Variants in FMNL2 observed in about 807,000 individuals in gnomAD.
FMNL2 encodes the protein formin-like protein 2.
In FMNL2, 51 loss-of-function variants were observed where a neutral mutation model predicts 130.2. That is an observed-to-expected ratio of 0.39 (90% confidence interval 0.31 to 0.49). The LOEUF (loss-of-function observed/expected upper bound fraction) is 0.49. FMNL2 is among the 20% of genes least tolerant of loss of function. The pLI, the probability that FMNL2 is intolerant of heterozygous loss-of-function variation, is 0.85. For missense variants in FMNL2, 977 were observed against 1,316.2 expected, an observed-to-expected ratio of 0.74 and a Z score of 3.99; for synonymous variants, 465 against 467.1, an observed-to-expected ratio of 1.00 and a Z score of 0.06.
chr2:152,565,814 C>T (rs1394246969), intron 6 of FMNL2, among the ~76,000 whole-genome samples: 1 of 152,044 alleles, frequency 6.6e-6, no homozygotes, highest in Non-Finnish European at 1.5e-5. Context: ...GGGTCTTGTT[C>T]TGTTGCCCAG....
At chr2:152,349,687 A>G (rs1682362556) in intron 1 of FMNL2, among the ~76,000 whole-genome samples, 2 of 151,978 alleles carry the variant, frequency 1.3e-5, no homozygotes, top group African/African-American at 4.8e-5. Context: ...AGCAACCCAG[A>G]GAGCTTCATA....
In FMNL2 at chr2:152,637,591, G is replaced by T; in HGVS notation, c.2863G>T (p.Val955Leu). 6.2e-7 allele frequency: 1 copy of T among 1,613,966 alleles called. No individual in the cohort carries two copies. The highest frequency in any genetic ancestry group is 8.5e-7 in the Non-Finnish European group (1 of 1,179,878). The change falls in exon 23 of 26, where the codon GTG becomes TTG. Residue 955 changes from valine to leucine, a missense_variant. This residue lies in a region of FMNL2 where 168 missense variants were observed against 168.8 expected (regional missense o/e 1.00). Coordinates refer to ENST00000288670, the MANE Select transcript of FMNL2 (RefSeq NM_052905.4). ...KIAQDAFDDV[V>L]KYFGENPKTT... ...TTCACAGGATGCCTTTGATGATGTTGTGAAGTATTTTGGAGAAAACCCCAA... is the reference window on the plus strand; with the variant it reads ...TTCACAGGATGCCTTTGATGATGTTTTGAAGTATTTTGGAGAAAACCCCAA...
chr2:152,387,939 C>A (rs546254219), intron 1 of FMNL2, among the ~76,000 whole-genome samples: 1 of 152,020 alleles, frequency 6.6e-6, no homozygotes, highest in Non-Finnish European at 1.5e-5. Flanking sequence ...CAGGTGTGGG[C>A]CACTGCGCTT....
intron 9 of FMNL2, among the ~76,000 whole-genome samples, chr2:152,588,956 G>A (rs2105761959): frequency 6.6e-6 from 1 of 152,090 alleles, no homozygotes; most frequent in African/African-American, 2.4e-5. Flanking sequence ...TGTGTTTGGG[G>A]TCTGAGATTT....
intron 2 of FMNL2, among the ~76,000 whole-genome samples, chr2:152,531,757 G>A (rs925395034): frequency 1.8e-4 from 27 of 152,178 alleles, no homozygotes; most frequent in Non-Finnish European, 3.2e-4. Context: ...ACTGTACCCA[G>A]CCTAAGATAT....
chr2:152,556,744 T>G (rs1177415375), intron 4 of FMNL2, among the ~76,000 whole-genome samples: 1 of 152,182 alleles, frequency 6.6e-6, no homozygotes, highest in Non-Finnish European at 1.5e-5. Context: ...CTGAATGGTC[T>G]GCACTCTACA....
At chr2:152,636,300 C>A in intron 21 of FMNL2, 127 bp from the exon 22 acceptor site, 2 of 910,900 alleles carry the variant, frequency 2.2e-6, no homozygotes, top group Non-Finnish European at 3.2e-6. Flanking sequence ...GTGCCAAAAG[C>A]TGGAAGCTAG....
Position 152,526,204 on chromosome 2 carries a change from G to C in FMNL2, c.201+4178G>C, listed in dbSNP as rs1693378654. On this transcript the variant is annotated intron_variant, in intron 2 of 25. Transcript: ENST00000288670. ...TCCTGTGGGCCATTCCAGGTAAGGAGGACTTGTCCTTGGAGCACCAGGGGT... is the reference window on the plus strand; with the variant it reads ...TCCTGTGGGCCATTCCAGGTAAGGACGACTTGTCCTTGGAGCACCAGGGGT... 2.0e-5 allele frequency among the ~76,000 whole-genome samples: 3 copies of C among 152,170 alleles called. No homozygotes were observed. In the South Asian group the frequency reaches 6.2e-4, roughly 31 times the overall value.
At chr2:152,455,665 A>G (rs1688906751) in intron 1 of FMNL2, among the ~76,000 whole-genome samples, 1 of 152,242 alleles carries the variant, frequency 6.6e-6, no homozygotes, top group African/African-American at 2.4e-5. Context: ...GTAGCTTTTA[A>G]ACATTACCAT....
Position 152,480,633 on chromosome 2 carries a change from T to TAAAAA in FMNL2, c.118-41286_118-41282dup, listed in dbSNP as rs58943356. On this transcript the variant is annotated intron_variant, in intron 1 of 25. Transcript: ENST00000288670. ...CTGGGCGACAGAGCAAGACTCTGTCTAAAAAAAAAAAAAAAAAAAAAAAAA... is the reference window on the plus strand; with the variant it reads ...CTGGGCGACAGAGCAAGACTCTGTCTAAAAAAAAAAAAAAAAAAAAAAAAAAAAAA... Among the ~76,000 whole-genome samples the TAAAAA allele has an allele frequency of 1.6e-4, 6 of 37,388 alleles. 1 individual carries two copies. Among genetic ancestry groups the TAAAAA allele is most frequent in the Non-Finnish European group, 2.8e-4 (5 of 17,558 alleles). 24.5% of individuals were successfully genotyped at this position (37,388 alleles called of 152,430 possible). A position where few individuals can be genotyped will look rare whatever the true frequency, so the allele number is the denominator to read the frequency against.
intron 1 of FMNL2, among the ~76,000 whole-genome samples, chr2:152,477,992 A>G (rs1690248954): frequency 6.6e-6 from 1 of 152,046 alleles, no homozygotes; most frequent in South Asian, 2.1e-4. Context: ...TTTAAAACTC[A>G]TCTAAACACT....
chr2:152,528,451 T>C (rs1160952872), intron 2 of FMNL2, among the ~76,000 whole-genome samples: 2 of 152,148 alleles, frequency 1.3e-5, no homozygotes, highest in African/African-American at 4.8e-5. Context: ...TCTCTTTCCT[T>C]CTGGTGTCTC....
At chr2:152,453,999 G>A (rs781323257) in intron 1 of FMNL2, among the ~76,000 whole-genome samples, 2 of 152,216 alleles carry the variant, frequency 1.3e-5, no homozygotes, top group African/African-American at 4.8e-5. Context: ...CTGGCTGGGC[G>A]CAGTAGCTCA....
At chr2:152,548,664 C>T (rs1017284607) in intron 3 of FMNL2, among the ~76,000 whole-genome samples, 17 of 152,272 alleles carry the variant, frequency 1.1e-4, no homozygotes, top group African/African-American at 3.6e-4. Flanking sequence ...ATCATAGCCA[C>T]GGGTATGACT....
At chr2:152,562,546 C>T (rs1224877000) in intron 6 of FMNL2, among the ~76,000 whole-genome samples, 1 of 152,094 alleles carries the variant, frequency 6.6e-6, no homozygotes, top group African/African-American at 2.4e-5. Flanking sequence ...TATGATACCT[C>T]CAGTAAATCA....
chr2:152,402,469 G>T (rs977373409), intron 1 of FMNL2, among the ~76,000 whole-genome samples: 1 of 152,118 alleles, frequency 6.6e-6, no homozygotes, highest in Non-Finnish European at 1.5e-5. Flanking sequence ...TCTGAGTGTG[G>T]CCCAGCTCTT....
chr2:152,589,679 A>G (rs921648093), intron 9 of FMNL2, among the ~76,000 whole-genome samples: 15 of 152,152 alleles, frequency 9.9e-5, no homozygotes, highest in Non-Finnish European at 1.5e-4. Flanking sequence ...AAACTATGAC[A>G]GCTTTGGCAA....
At chr2:152,481,365 A>G (rs535132421) in intron 1 of FMNL2, among the ~76,000 whole-genome samples, 1 of 152,298 alleles carries the variant, frequency 6.6e-6, no homozygotes, top group South Asian at 2.1e-4. Flanking sequence ...ATTATTATCC[A>G]TTTTCATTCA....
chr2:152,495,068 C>T (rs993669015), intron 1 of FMNL2, among the ~76,000 whole-genome samples: 1 of 152,102 alleles, frequency 6.6e-6, no homozygotes, highest in Non-Finnish European at 1.5e-5. Flanking sequence ...GGAAACGCAG[C>T]GTTGGAACAC....
Sources: gnomAD v4.1 joint callset for allele counts (sites outside exome capture counted in the v4.1 genomes callset) on GRCh38, gnomAD v4.1.1 for gene constraint, gnomAD v4.1.1 regional missense constraint, MANE v1.5 for transcripts, NCBI Gene and HGNC (gene_info 2026-07-23, HGNC 2026-07-21) for gene names.